RALYL: variants seen among roughly 807,000 people sequenced by gnomAD.
The protein encoded by RALYL is RNA-binding Raly-like protein.
Under a neutral mutation model 35.1 loss-of-function variants are expected in RALYL, and 29 were observed. The ratio of observed to expected loss-of-function variants is 0.83; its 90% CI spans 0.61 to 1.13. The LOEUF is 1.13. RALYL is among the 50% of genes most tolerant of loss of function. RALYL has a pLI of 0.00. For synonymous variants in RALYL, 120 were observed against 127.6 expected (o/e 0.94, Z 0.40); for missense variants, 359 against 360.4 (o/e 1.00, Z 0.03).
chr8:84,284,165 A>T (rs1246520584), intron 1 of RALYL, among the ~76,000 whole-genome samples: 3 of 152,160 alleles, frequency 2.0e-5, no homozygotes, highest in Non-Finnish European at 4.4e-5. Flanking sequence ...GGACAAAGAA[A>T]ATATTGCGAT....
intron 4 of RALYL, among the ~76,000 whole-genome samples, chr8:84,841,431 A>G (rs1202430313): frequency 6.6e-6 from 1 of 152,200 alleles, no homozygotes; most frequent in Non-Finnish European, 1.5e-5. Context: ...TCCTAAATAT[A>G]TATGCACCCA....
rs1811925940 is a variant in RALYL at position 84,184,330 on chromosome 8, T to C, written c.-118T>C. The C allele has an allele frequency of 9.5e-6, 1 of 105,670 alleles. No individual in the cohort carries two copies. Among genetic ancestry groups the C allele is most frequent in the South Asian group, 3.5e-4 (1 of 2,820 alleles). 6.5% of individuals were successfully genotyped at this position (105,670 alleles called of 1,614,324 possible). Reference sequence around the variant, plus strand: ...TAAATCAATTTTCAAATGATGGCAGTGGAAGGTTTTTCTGGAAAAAAAAAA... The same window carrying C: ...TAAATCAATTTTCAAATGATGGCAGCGGAAGGTTTTTCTGGAAAAAAAAAA... On this transcript the variant is annotated 5_prime_UTR_variant, in exon 1 of 9. Transcript: ENST00000521268.
intron 1 of RALYL, among the ~76,000 whole-genome samples, chr8:84,526,925 G>A (rs1249780665): frequency 6.6e-6 from 1 of 152,022 alleles, no homozygotes; most frequent in South Asian, 2.1e-4. Context: ...ATATTTCCCT[G>A]GTTTTCTATT....
intron 3 of RALYL, among the ~76,000 whole-genome samples, chr8:84,791,645 G>A (rs1009878616): frequency 6.6e-6 from 1 of 152,132 alleles, no homozygotes; most frequent in Non-Finnish European, 1.5e-5. Context: ...CAACTGAGAT[G>A]TCAAATAAAA....
At chr8:84,332,589 C>T (rs1209654130) in intron 1 of RALYL, among the ~76,000 whole-genome samples, 2 of 152,062 alleles carry the variant, frequency 1.3e-5, no homozygotes, top group Non-Finnish European at 2.9e-5. Flanking sequence ...AAAGAGAAAT[C>T]TTATCTCCAT....
intron 4 of RALYL, among the ~76,000 whole-genome samples, chr8:84,815,930 A>AGCTACTC (rs1827163768): frequency 6.8e-6 from 1 of 146,602 alleles, no homozygotes. Flanking sequence ...GCTACTCGGG[A>AGCTACTC]GGTTGAGGCA....
At chr8:84,448,860 A>C (rs2133135979) in intron 1 of RALYL, among the ~76,000 whole-genome samples, 1 of 152,164 alleles carries the variant, frequency 6.6e-6, no homozygotes, top group East Asian at 1.9e-4. Flanking sequence ...TGTTCTGGTC[A>C]TGCTAGGTTC....
intron 4 of RALYL, among the ~76,000 whole-genome samples, chr8:84,839,519 C>G (rs1210424652): frequency 2.0e-5 from 3 of 152,226 alleles, no homozygotes; most frequent in African/African-American, 7.2e-5. Flanking sequence ...GCCTGCCTGC[C>G]TCTGTAGACT....
chr8:84,810,269 T>G (rs1825621065), intron 4 of RALYL, among the ~76,000 whole-genome samples: 1 of 152,182 alleles, frequency 6.6e-6, no homozygotes, highest in Non-Finnish European at 1.5e-5. Flanking sequence ...GCAGCCTATT[T>G]AATTTCAATG....
At chr8:84,621,138 GCT>G (rs1240300615) in intron 2 of RALYL, among the ~76,000 whole-genome samples, 9 of 152,208 alleles carry the variant, frequency 5.9e-5, no homozygotes, top group African/African-American at 1.9e-4. Context: ...CTTCCTGGCT[GCT>G]CTGTTTACCT....
chr8:84,184,758 TG>T, intron 1 of RALYL: 1 of 381,332 alleles, frequency 2.6e-6, no homozygotes, highest in Middle Eastern at 7.7e-4. Context: ...CGGCGGGCCC[TG>T]TAAGTTCTCC....
chr8:84,261,722 A>G (rs563098617), intron 1 of RALYL, among the ~76,000 whole-genome samples: 49 of 152,112 alleles, frequency 3.2e-4, no homozygotes, highest in African/African-American at 1.2e-3. Context: ...TGCTTTTATT[A>G]ATTTTACCTT....
In RALYL at chr8:84,840,627, A is replaced by T. The variant is rs548281430; in HGVS notation, c.366-9353A>T. Among the ~76,000 whole-genome samples, 13 of 152,318 alleles carry T rather than the reference A, an allele frequency of 8.5e-5. No individual in the cohort carries two copies. The East Asian group carries it at 2.1e-3, about 25-fold the overall frequency. On this transcript the variant is annotated intron_variant, in intron 4 of 8. Transcript: ENST00000521268. Reference sequence around the variant, plus strand: ...AGGAAATACAGAGAACGCCACAAAGATGCTACTTGAGAAGAGCAACTCCAA... The same window carrying T: ...AGGAAATACAGAGAACGCCACAAAGTTGCTACTTGAGAAGAGCAACTCCAA...
intron 4 of RALYL, among the ~76,000 whole-genome samples, chr8:84,812,029 C>A (rs1826020217): frequency 6.6e-6 from 1 of 152,010 alleles, no homozygotes; most frequent in Non-Finnish European, 1.5e-5. Flanking sequence ...TGGTTTGGAT[C>A]CATTGCTGGT....
At chr8:84,429,217 T>C (rs1174347990) in intron 1 of RALYL, among the ~76,000 whole-genome samples, 1 of 152,174 alleles carries the variant, frequency 6.6e-6, no homozygotes, top group Non-Finnish European at 1.5e-5. Flanking sequence ...GCATTGCTTT[T>C]GTGAATAGAC....
At chr8:84,542,529 C>T (rs1156759674) in intron 2 of RALYL, among the ~76,000 whole-genome samples, 1 of 151,962 alleles carries the variant, frequency 6.6e-6, no homozygotes, top group Non-Finnish European at 1.5e-5. Context: ...GGGCAGTTAC[C>T]CTCATTATGT....
intron 1 of RALYL, among the ~76,000 whole-genome samples, chr8:84,190,148 G>T (rs1813509601): frequency 6.6e-6 from 1 of 152,194 alleles, no homozygotes; most frequent in Admixed American, 6.5e-5. Flanking sequence ...AGTCTTTTGT[G>T]CAAGGAAAGC....
intron 2 of RALYL, among the ~76,000 whole-genome samples, chr8:84,596,870 A>G (rs1814670637): frequency 6.6e-6 from 1 of 152,166 alleles, no homozygotes; most frequent in African/African-American, 2.4e-5. Flanking sequence ...CTTGATTTGT[A>G]TATAGCAAAT....
chr8:84,388,401 C>A (rs1345145311), intron 1 of RALYL, among the ~76,000 whole-genome samples: 2 of 152,146 alleles, frequency 1.3e-5, no homozygotes, highest in East Asian at 3.9e-4. Flanking sequence ...AGTTCTAGAT[C>A]CCTGAGGAAT....
Sources: gnomAD v4.1 joint callset for allele counts (sites outside exome capture counted in the v4.1 genomes callset) on GRCh38, gnomAD v4.1.1 for gene constraint, MANE v1.5 for transcripts, NCBI Gene and HGNC (gene_info 2026-07-23, HGNC 2026-07-21) for gene names.